Variants in KCNQ1 observed in about 807,000 individuals in gnomAD.
The protein encoded by KCNQ1 is potassium voltage-gated channel subfamily KQT member 1.
KCNQ1 carries 49 observed loss-of-function variants against 72.4 expected under a neutral mutation model. That is an observed-to-expected ratio of 0.68 (90% CI 0.54 to 0.86). KCNQ1 has a LOEUF of 0.86. Among genes scored for constraint, KCNQ1 ranks in the 40% least tolerant of loss-of-function variants. The probability of loss-of-function intolerance (pLI) is 0.00; values close to 1 mark genes in which losing one functional copy is unlikely to be tolerated. For synonymous variants in KCNQ1, 450 were observed against 412.6 expected (o/e 1.09, Z -1.10); for missense variants, 790 against 945.1 (o/e 0.84, Z 2.15).
chr11:2,613,827 G>C lies in KCNQ1; in HGVS notation c.1393+24973G>C. 2.5e-6 allele frequency: 1 copy of C among 398,352 alleles called. No homozygotes were observed. The highest frequency in any genetic ancestry group is 4.4e-6 in the Non-Finnish European group (1 of 226,002). 24.7% of individuals were successfully genotyped at this position (398,352 alleles called of 1,614,324 possible). A position where few individuals can be genotyped will look rare whatever the true frequency, so the allele number is the denominator to read the frequency against. The stretch of plus-strand genomic sequence containing the variant: ...TCCCCCTACCCATTATAGGTAACCA[G>C]TTTCAGTGTTTTCTAGTTTATAGTT... On this transcript the variant is annotated intron_variant, in intron 10 of 15. Transcript: ENST00000155840. This position sits in a 1 kb window ranked among gnomAD's most constrained non-coding sequence, Gnocchi z 4.8.
rs112982801 is a variant in KCNQ1, at chr11:2,842,990, A to G, written c.1795-4777A>G. Reference sequence around the variant, plus strand: ...CGGCAGAGGCAGGATCTGACCCCAGACCCGCTGCGGCACACACACGCCTGC... The same window carrying G: ...CGGCAGAGGCAGGATCTGACCCCAGGCCCGCTGCGGCACACACACGCCTGC... On this transcript the variant is annotated intron_variant, in intron 15 of 15. Coordinates refer to ENST00000155840, the MANE Select transcript of KCNQ1 (RefSeq NM_000218.3). Among the ~76,000 whole-genome samples, 518 of 152,204 alleles carry G rather than the reference A, an allele frequency of 3.4e-3. 1 individual carries two copies. Among genetic ancestry groups the G allele is most frequent in the African/African-American group, 0.012 (495 of 41,532 alleles).
rs1407615353 is a variant in KCNQ1, at chr11:2,486,956, A to C, written c.387-40972A>C. On this transcript the variant is annotated intron_variant, in intron 1 of 15. Coordinates refer to ENST00000155840, the MANE Select transcript of KCNQ1 (RefSeq NM_000218.3). This position sits in a 1 kb window ranked among gnomAD's most constrained non-coding sequence, Gnocchi z 5.0. ...TATCCAAGAAATCATAGCCAAATCCAATGTCATGAAGCTTTTGCCCTATGT... is the reference window on the plus strand; with the variant it reads ...TATCCAAGAAATCATAGCCAAATCCCATGTCATGAAGCTTTTGCCCTATGT... 2.0e-5 allele frequency among the ~76,000 whole-genome samples: 3 copies of C among 152,186 alleles called. No homozygotes were observed. Among genetic ancestry groups the C allele is most frequent in the Non-Finnish European group, 4.4e-5 (3 of 68,040 alleles).
At position 2,687,966 on chromosome 11, in the gene KCNQ1, C is replaced by T. The variant is rs1850519668; in HGVS notation, c.1514+25885C>T. 5.0e-6 allele frequency: 2 copies of T among 398,792 alleles called. No individual in the cohort carries two copies. The highest frequency in any genetic ancestry group is 8.8e-6 in the Non-Finnish European group (2 of 226,186). 24.7% of individuals were successfully genotyped at this position (398,792 alleles called of 1,614,324 possible). Reference sequence around the variant, plus strand: ...CCGCTGTGGGTCAGCCAGGCCGCTGCTTCCTGCTTCCCTTTGATGTCTCCT... The same window carrying T: ...CCGCTGTGGGTCAGCCAGGCCGCTGTTTCCTGCTTCCCTTTGATGTCTCCT... On this transcript the variant is annotated intron_variant, in intron 11 of 15. Transcript: ENST00000155840. This position sits in a 1 kb window ranked among gnomAD's most constrained non-coding sequence, Gnocchi z 5.0.
rs11823249 is a variant in KCNQ1 at position 2,704,043 on chromosome 11, C to T, written c.1514+41962C>T. ...CTGATGCATTGCCAGGAAGCCTGCT[C>T]TTAAGGTCAGCCCTTGCAGTTGGCA... On this transcript the variant is annotated intron_variant, in intron 11 of 15. Coordinates refer to ENST00000155840, the MANE Select transcript of KCNQ1 (RefSeq NM_000218.3). The surrounding 1 kb of genome is among the most constrained non-coding windows in gnomAD (Gnocchi z 4.3). Among the ~76,000 whole-genome samples, 412 of 152,360 alleles carry T rather than the reference C, an allele frequency of 2.7e-3. 1 individual carries two copies. Among genetic ancestry groups the T allele is most frequent in the Non-Finnish European group, 4.5e-3 (304 of 68,040 alleles).
At chr11:2,806,818 G>GC (rs933235373) in intron 15 of KCNQ1, among the ~76,000 whole-genome samples, 56 of 152,164 alleles carry the variant, frequency 3.7e-4, no homozygotes, top group African/African-American at 1.3e-3. Context: ...AGAATAGCGT[G>GC]CCCCCAGAGA....
chr11:2,796,827 C>T (rs970523606), intron 15 of KCNQ1, among the ~76,000 whole-genome samples: 4 of 152,220 alleles, frequency 2.6e-5, no homozygotes, highest in East Asian at 1.9e-4. Context: ...CCCTCCTGCG[C>T]CACCTGACAG....
intron 15 of KCNQ1, among the ~76,000 whole-genome samples, chr11:2,825,981 C>G (rs921116830): frequency 6.6e-6 from 1 of 152,192 alleles, no homozygotes; most frequent in Non-Finnish European, 1.5e-5. Flanking sequence ...CCCCTCCTGC[C>G]CCAGTACCCT....
At chr11:2,521,476 C>T (rs769606706) in intron 1 of KCNQ1, 2 of 467,356 alleles carry the variant, frequency 4.3e-6, no homozygotes, top group Non-Finnish European at 8.9e-6. Flanking sequence ...TTAATGTTTA[C>T]AGATTCAAGA....
Position 2,665,278 on chromosome 11 carries a change from C to G in KCNQ1, c.1514+3197C>G, listed in dbSNP as rs565014702. 9.9e-4 allele frequency: 394 copies of G among 398,462 alleles called. No homozygotes were observed. The highest frequency in any genetic ancestry group is 1.3e-3 in the Admixed American group (29 of 22,708). 24.7% of individuals were successfully genotyped at this position (398,462 alleles called of 1,614,324 possible). ...CCTCAAACTCCCTGAGCCTGTGTCT[C>G]CCACCCAGAACCATATGACAGGGCT... On this transcript the variant is annotated intron_variant, in intron 11 of 15. Transcript: ENST00000155840.
At chr11:2,610,745 T>A (rs1352795948) in intron 10 of KCNQ1, 7 of 358,902 alleles carry the variant, frequency 2.0e-5, no homozygotes, top group Admixed American at 5.3e-5. Context: ...TTTTTTTTTT[T>A]ACTTTGAGCA....
At chr11:2,842,481 G>A (rs1209580971) in intron 15 of KCNQ1, among the ~76,000 whole-genome samples, 1 of 152,352 alleles carries the variant, frequency 6.6e-6, no homozygotes, top group African/African-American at 2.4e-5. Flanking sequence ...CACCTCTGTG[G>A]CACACACAAA....
At chr11:2,499,678 G>C (rs1846978842) in intron 1 of KCNQ1, among the ~76,000 whole-genome samples, 1 of 152,022 alleles carries the variant, frequency 6.6e-6, no homozygotes, top group Non-Finnish European at 1.5e-5. Flanking sequence ...ACTTGTATTA[G>C]GCAAAGTAGA....
chr11:2,754,408 T>C (rs1010377179), intron 11 of KCNQ1, among the ~76,000 whole-genome samples: 1 of 152,184 alleles, frequency 6.6e-6, no homozygotes, highest in African/African-American at 2.4e-5. Flanking sequence ...TTTCTATGGC[T>C]GAATAAAGAA....
chr11:2,662,626 C>T (rs745403766), intron 11 of KCNQ1: 3 of 410,462 alleles, frequency 7.3e-6, no homozygotes, highest in African/African-American at 6.1e-5. Context: ...AGGCCAATCC[C>T]CGGTGCCCGG....
intron 2 of KCNQ1, among the ~76,000 whole-genome samples, chr11:2,556,719 G>T (rs1385954667): frequency 6.6e-6 from 1 of 152,188 alleles, no homozygotes; most frequent in Non-Finnish European, 1.5e-5. Context: ...GCAGTCACAC[G>T]CAAATTCTTA....
At chr11:2,618,904 T>G in intron 10 of KCNQ1, 1 of 398,324 alleles carries the variant, frequency 2.5e-6, no homozygotes, top group East Asian at 3.6e-5. Flanking sequence ...TCTTTTTGGC[T>G]AAATTTATTC....
At chr11:2,609,612 G>A (rs1337688023) in intron 10 of KCNQ1, 1 of 398,278 alleles carries the variant, frequency 2.5e-6, no homozygotes, top group Non-Finnish European at 4.4e-6. Context: ...ATTATTGAAA[G>A]TGGAGTGTTG....
intron 10 of KCNQ1, chr11:2,635,095 GAGT>G (rs1849437071): frequency 6.6e-6 from 1 of 152,166 alleles, no homozygotes; most frequent in Non-Finnish European, 1.5e-5. Context: ...TTTATCAGAT[GAGT>G]AGATTGCAAA....
chr11:2,647,074 G>C lies in KCNQ1; in HGVS notation c.1394-14887G>C, dbSNP rs374083135. On this transcript the variant is annotated intron_variant, in intron 10 of 15. Transcript: ENST00000155840. The surrounding 1 kb of genome is among the most constrained non-coding windows in gnomAD (Gnocchi z 4.0). The stretch of plus-strand genomic sequence containing the variant: ...TCCTTGTCTTGTTCTAGTTCTAAGA[G>C]AGAAGGTGTTTAGCTTTTCCCCAGG... The C allele has an allele frequency of 1.0e-5, 4 of 398,562 alleles. No homozygotes were observed. Among genetic ancestry groups the C allele is most frequent in the African/African-American group, 2.1e-5 (1 of 48,730 alleles). 24.7% of individuals were successfully genotyped at this position (398,562 alleles called of 1,614,324 possible).
Sources: allele counts gnomAD v4.1 joint callset (sites outside exome capture counted in the v4.1 genomes callset), GRCh38; gene constraint gnomAD v4.1.1; non-coding constraint Gnocchi (gnomAD v3.1); transcripts MANE v1.5; gene names NCBI Gene and HGNC (gene_info 2026-07-23, HGNC 2026-07-21).